The following MTO1 variants were observed in gnomAD, a reference collection of about 807,000 sequenced individuals.
MTO1 encodes mitochondrial tRNA translation optimization 1.
MTO1 carries 46 observed loss-of-function variants against 71.6 expected under a neutral mutation model. The observed-to-expected ratio is 0.64, with a 90% CI of 0.51 to 0.82. The LOEUF (loss-of-function observed/expected upper bound fraction) is 0.82. Among genes scored for constraint, MTO1 ranks in the 40% least tolerant of loss-of-function variants. The probability of loss-of-function intolerance (pLI) is 0.00; values close to 1 mark genes in which losing one functional copy is unlikely to be tolerated. For synonymous variants in MTO1, 297 were observed against 312.1 expected (o/e 0.95, Z 0.51); for missense variants, 773 against 867.5 (o/e 0.89, Z 1.37).
At chr6:73,474,318 C>T (rs960378654) in intron 4 of MTO1, among the ~76,000 whole-genome samples, 1 of 151,328 alleles carries the variant, frequency 6.6e-6, no homozygotes, top group African/African-American at 2.4e-5. Flanking sequence ...CTCCTGACCT[C>T]GTGATCCACC....
Position 73,508,214 on chromosome 6 carries a change from G to GACTT in MTO1, c.*7481_*7484dup, listed in dbSNP as rs1772339284. On this transcript the variant is annotated 3_prime_UTR_variant, in exon 12 of 12. Transcript: ENST00000498286. ...TTTCACTTGAACAGCACCCTCTGCA[G>GACTT]ACTTAAAATATTCCTCCTATATCTG... 6.6e-6 allele frequency: 1 copy of GACTT among 152,126 alleles called. No homozygotes were observed. Among genetic ancestry groups the GACTT allele is most frequent in the African/African-American group, 2.4e-5 (1 of 41,440 alleles). 9.4% of individuals were successfully genotyped at this position (152,126 alleles called of 1,614,324 possible). A position where few individuals can be genotyped will look rare whatever the true frequency, so the allele number is the denominator to read the frequency against.
rs756605194 is a variant in MTO1, at chr6:73,479,728, T to G, written c.826-4T>G. 6.2e-7 allele frequency: 1 copy of G among 1,604,978 alleles called. No individual in the cohort carries two copies. The highest frequency in any genetic ancestry group is 8.5e-7 in the Non-Finnish European group (1 of 1,174,342). ...CAGTATTGCATCTGGTTACTGTTTT[T>G]TAGCCAGAAGATCAGCTGCCATGTT... is the stretch of plus-strand genomic sequence containing the variant. On this transcript the variant is annotated splice_polypyrimidine_tract_variant and splice_region_variant and intron_variant, in intron 4 of 11. Coordinates refer to ENST00000498286, the MANE Select transcript of MTO1 (RefSeq NM_012123.4).
At position 73,473,544 on chromosome 6, in the gene MTO1, A is replaced by G. The variant is rs1360304771; in HGVS notation, c.715A>G (p.Thr239Ala). 1 of 1,613,632 alleles carries G rather than the reference A, an allele frequency of 6.2e-7. No homozygotes were observed. The highest frequency in any genetic ancestry group is 1.7e-5 in the Admixed American group (1 of 59,904). ...TGTGGTGGGAAGGTTGAAGACTGGG[A>G]CTCCACCCCGAATTGCCAAAGAGTC... ...GFVVGRLKTGTPPRIAKESIN... is the reference protein window; with the variant it reads ...GFVVGRLKTGAPPRIAKESIN... The change falls in exon 4 of 12, where the codon ACT (threonine) becomes GCT (alanine). Residue 239 changes from threonine to alanine, a missense_variant. Thr to Ala is a moderately conservative substitution (Grantham distance 58). Coordinates refer to ENST00000498286, the MANE Select transcript of MTO1 (RefSeq NM_012123.4).
Position 73,506,478 on chromosome 6 carries a change from G to A in MTO1, c.*5743G>A, listed in dbSNP as rs4257823. 98,033 of 156,372 alleles carry A rather than the reference G, an allele frequency of 0.63. 31,797 individuals are homozygous for A. Among genetic ancestry groups the A allele is most frequent in the South Asian group, 0.73 (3,578 of 4,914 alleles). The allele number at this position is 156,372 out of a possible 1,614,324, so 9.7% of individuals were successfully genotyped here. A position where few individuals can be genotyped will look rare whatever the true frequency, so the allele number is the denominator to read the frequency against. ...ACAAGATCTGATGGGTTTATCAGGG[G>A]TTTCCGATTTTGCTTCTTCCTCATT... On this transcript the variant is annotated 3_prime_UTR_variant, in exon 12 of 12. Transcript: ENST00000498286.
intron 10 of MTO1, among the ~76,000 whole-genome samples, chr6:73,493,354 A>ATGTGTGTGTG (rs144509962): frequency 0.068 from 9,504 of 139,318 alleles, 360 homozygotes; most frequent in Middle Eastern, 0.11. Context: ...ATGTGCATGT[A>ATGTGTGTGTG]TGTGTGTGTG....
chr6:73,474,037 T>C (rs1466604560), intron 4 of MTO1, among the ~76,000 whole-genome samples: 1 of 150,998 alleles, frequency 6.6e-6, no homozygotes, highest in Admixed American at 6.6e-5. Context: ...CCACCCCCCT[T>C]GGCCTCCCAA....
intron 9 of MTO1, chr6:73,487,742 C>G (rs929437518): frequency 2.0e-5 from 3 of 151,912 alleles, no homozygotes; most frequent in Non-Finnish European, 4.4e-5. Flanking sequence ...TGGGAGGTCA[C>G]CATATTGATG....
At chr6:73,470,293 GC>G (rs1258562277) in intron 3 of MTO1, among the ~76,000 whole-genome samples, 2 of 151,682 alleles carry the variant, frequency 1.3e-5, no homozygotes, top group Non-Finnish European at 2.9e-5. Flanking sequence ...TGCAACCTCT[GC>G]CCCCCAGGTT....
Position 73,506,992 on chromosome 6 carries a change from C to G in MTO1, c.*6257C>G, listed in dbSNP as rs372044397. ...CTGGGATTACAGGCGTGCGCCACCG[C>G]GCTCGGTCTATATTCACCAATTTTA... is the stretch of plus-strand genomic sequence containing the variant. On this transcript the variant is annotated 3_prime_UTR_variant, in exon 12 of 12. Transcript: ENST00000498286. 1.4e-5 allele frequency: 2 copies of G among 143,902 alleles called. No individual in the cohort carries two copies. The highest frequency in any genetic ancestry group is 3.1e-5 in the Non-Finnish European group (2 of 65,472). The allele number at this position is 143,902 out of a possible 1,614,324, so 8.9% of individuals were successfully genotyped here. A position where few individuals can be genotyped will look rare whatever the true frequency, so the allele number is the denominator to read the frequency against.
rs1281102031 is a variant in MTO1, at chr6:73,461,972, A to G, written c.118A>G (p.Ile40Val). The G allele has an allele frequency of 1.2e-6, 2 of 1,614,198 alleles. No homozygotes were observed. The highest frequency in any genetic ancestry group is 1.7e-6 in the Non-Finnish European group (2 of 1,180,042). The change falls in exon 1 of 12, where the codon ATA becomes GTA. Residue 40 changes from isoleucine to valine, a missense_variant. Transcript: ENST00000498286. ...GCCCCGGACTCCGCACTTCGACGTG[A>G]TAGTCATTGGTGGAGGACATGCCGG... Reference protein sequence around the residue: ...AAPRTPHFDVIVIGGGHAGTE... With the variant: ...AAPRTPHFDVVVIGGGHAGTE...
rs575111865 is a variant in MTO1, at chr6:73,508,562, C to T, written c.*7827C>T. 2 of 152,214 alleles carry T rather than the reference C, an allele frequency of 1.3e-5. No homozygotes were observed. The highest frequency in any genetic ancestry group is 2.9e-5 in the Non-Finnish European group (2 of 68,012). 9.4% of individuals were successfully genotyped at this position (152,214 alleles called of 1,614,324 possible). A position where few individuals can be genotyped will look rare whatever the true frequency, so the allele number is the denominator to read the frequency against. On this transcript the variant is annotated 3_prime_UTR_variant, in exon 12 of 12. Transcript: ENST00000498286. ...TTGGAATTTTCTGTATTTCCAGTTT[C>T]ACAAGAAACAACCTCAAGGAGGGCA...
Position 73,502,435 on chromosome 6 carries a change from CTG to C in MTO1, c.*1702_*1703del, listed in dbSNP as rs1772185746. On this transcript the variant is annotated 3_prime_UTR_variant, in exon 12 of 12. Coordinates refer to ENST00000498286, the MANE Select transcript of MTO1 (RefSeq NM_012123.4). Reference sequence around the variant, plus strand: ...CTCCAGCCTGGGCGACAGAGTGAGACTGTTTCAAAAAAAAGAAAAAGAAAAGA... The same window carrying C: ...CTCCAGCCTGGGCGACAGAGTGAGACTTTCAAAAAAAAGAAAAAGAAAAGA... The C allele has an allele frequency of 6.6e-6, 1 of 151,480 alleles. No homozygotes were observed. The highest frequency in any genetic ancestry group is 2.1e-4 in the South Asian group (1 of 4,788). The allele number at this position is 151,480 out of a possible 1,614,324, so 9.4% of individuals were successfully genotyped here.
At chr6:73,475,208 C>T (rs895821145) in intron 4 of MTO1, among the ~76,000 whole-genome samples, 1 of 151,978 alleles carries the variant, frequency 6.6e-6, no homozygotes, top group African/African-American at 2.4e-5. Context: ...AGCCATCCGC[C>T]CACCTCAGCC....
Position 73,509,072 on chromosome 6 carries a change from A to G in MTO1, c.*8337A>G, listed in dbSNP as rs914193526. 1.3e-5 allele frequency: 2 copies of G among 152,212 alleles called. No individual in the cohort carries two copies. The highest frequency in any genetic ancestry group is 2.1e-4 in the South Asian group (1 of 4,826). The allele number at this position is 152,212 out of a possible 1,614,324, so 9.4% of individuals were successfully genotyped here. A position where few individuals can be genotyped will look rare whatever the true frequency, so the allele number is the denominator to read the frequency against. On this transcript the variant is annotated 3_prime_UTR_variant, in exon 12 of 12. Transcript: ENST00000498286. ...TTACATGGTAACTTGGTTTATCCCA[A>G]CACCAACTAGGATATTCCCTCAATC...
rs1770982094 is a variant in MTO1 at position 73,466,238 on chromosome 6, G to A, written c.247G>A (p.Gly83Ser). ...GQMSCNPSFG[G>S]IGKGHLMREV... ...GATGTCATGTAATCCTTCCTTTGGT[G>A]GCATCGGAAAGGGACATTTAATGAG... Residue 83 changes from glycine to serine, a missense_variant, in exon 2 of 12, where the codon GGC becomes AGC. Gly to Ser is a moderately conservative substitution (Grantham distance 56, BLOSUM62 0). Transcript: ENST00000498286. 6.2e-7 allele frequency: 1 copy of A among 1,613,728 alleles called. No homozygotes were observed. The highest frequency in any genetic ancestry group is 1.3e-5 in the African/African-American group (1 of 74,902).
At position 73,473,641 on chromosome 6, in the gene MTO1, C is replaced by T. The variant is rs1429655484; in HGVS notation, c.812C>T (p.Thr271Ile). The T allele has an allele frequency of 6.2e-7, 1 of 1,611,126 alleles. No individual in the cohort carries two copies. The highest frequency in any genetic ancestry group is 8.5e-7 in the Non-Finnish European group (1 of 1,178,496). ...ATACCATTCAGCTTTACCAATGAGA[C>T]AGTATGGATTAAGGTAAGATACTTT... ...PSIPFSFTNE[T>I]VWIKPEDQLP... Residue 271 changes from threonine to isoleucine, a missense_variant, in exon 4 of 12, where the codon ACA (threonine) becomes ATA (isoleucine). Transcript: ENST00000498286.
chr6:73,461,892 T>C lies in MTO1; in HGVS notation c.38T>C (p.Val13Ala), dbSNP rs1582665975. ...YFRGCGRWVA[V>A]SFTKQQFPLA... ...CGAGGCTGTGGCCGTTGGGTCGCGG[T>C]TTCCTTCACCAAGCAGCAATTTCCG... is the stretch of plus-strand genomic sequence containing the variant. The change falls in exon 1 of 12, where the codon GTT (valine) becomes GCT (alanine). Residue 13 changes from valine to alanine, a missense_variant. Transcript: ENST00000498286. The C allele has an allele frequency of 1.2e-6, 2 of 1,614,064 alleles. No individual in the cohort carries two copies. The highest frequency in any genetic ancestry group is 1.7e-6 in the Non-Finnish European group (2 of 1,179,880).
chr6:73,478,416 CA>C (rs149951472), intron 4 of MTO1, among the ~76,000 whole-genome samples: 4 of 146,724 alleles, frequency 2.7e-5, no homozygotes, highest in South Asian at 2.1e-4. Context: ...CCTGCCTGTA[CA>C]AAAAAAAAAT....
In MTO1 at chr6:73,461,746, C is replaced by A; in HGVS notation, c.-109C>A. 1 of 1,220,698 alleles carries A rather than the reference C, an allele frequency of 8.2e-7. No individual in the cohort carries two copies. Among genetic ancestry groups the A allele is most frequent in the East Asian group, 2.5e-5 (1 of 40,084 alleles). 75.6% of individuals were successfully genotyped at this position (1,220,698 alleles called of 1,614,324 possible). On this transcript the variant is annotated 5_prime_UTR_variant, in exon 1 of 12. Transcript: ENST00000498286. ...GACGCTGGACGTAGACGTCCTACCCCGTGATATTAAAGCAAGATGGCCGCG... is the reference window on the plus strand; with the variant it reads ...GACGCTGGACGTAGACGTCCTACCCAGTGATATTAAAGCAAGATGGCCGCG...
Sources: allele counts gnomAD v4.1 joint callset (sites outside exome capture counted in the v4.1 genomes callset), GRCh38; gene constraint gnomAD v4.1.1; transcripts MANE v1.5; gene names NCBI Gene and HGNC (gene_info 2026-07-23, HGNC 2026-07-21).